The following NR3C2 variants were observed in gnomAD, a reference collection of about 807,000 sequenced individuals.
The protein encoded by NR3C2 is mineralocorticoid receptor.
In NR3C2, 15 loss-of-function variants were observed where a neutral mutation model predicts 86.4. The observed-to-expected ratio is 0.17, with a 90% confidence interval of 0.12 to 0.27. The LOEUF is 0.27. Among genes scored for constraint, NR3C2 ranks in the 10% least tolerant of loss-of-function variants. NR3C2 has a pLI of 1.00. For missense variants in NR3C2, 960 were observed against 1,195.6 expected, an observed-to-expected ratio of 0.80 and a Z score of 2.91; for synonymous variants, 458 against 450.5, an observed-to-expected ratio of 1.02 and a Z score of -0.21.
intron 4 of NR3C2, among the ~76,000 whole-genome samples, chr4:148,186,986 GTGTATGTATGTATATATATATATATA>G (rs199512965): frequency 0.052 from 5,227 of 101,284 alleles, 499 homozygotes; most frequent in Admixed American, 0.13. Flanking sequence ...ATACTGATGT[GTGTATGTATGTATATATATATATATA>G]TATATATATA....
intron 2 of NR3C2, among the ~76,000 whole-genome samples, chr4:148,374,027 A>G (rs1254843293): frequency 6.6e-6 from 1 of 152,152 alleles, no homozygotes; most frequent in Non-Finnish European, 1.5e-5. Context: ...GCCTTTTGAG[A>G]TATGAAATGG....
chr4:148,096,661 C>T (rs1210415913), intron 8 of NR3C2, among the ~76,000 whole-genome samples: 1 of 152,062 alleles, frequency 6.6e-6, no homozygotes, highest in Non-Finnish European at 1.5e-5. Flanking sequence ...AAGTTTTTTC[C>T]ATGTTTGTGT....
At chr4:148,335,707 C>T (rs1341316861) in intron 2 of NR3C2, among the ~76,000 whole-genome samples, 1 of 151,940 alleles carries the variant, frequency 6.6e-6, no homozygotes, top group East Asian at 1.9e-4. Flanking sequence ...ATGTTCTAGT[C>T]AGTTTTCAAT....
chr4:148,197,651 A>T (rs560703330), intron 3 of NR3C2, among the ~76,000 whole-genome samples: 2 of 152,286 alleles, frequency 1.3e-5, no homozygotes, highest in South Asian at 2.1e-4. Context: ...TTAAAAAAAA[A>T]TACCCTTCAA....
In NR3C2 at chr4:148,079,428, G is replaced by A. The variant is rs1730438290; in HGVS notation, c.*1916C>T. ...CCTGCATGGTGAACCCTGGAGAAAA[G>A]TGTTGATCTAATTAATTGCTGCTTC... On this transcript the variant is annotated 3_prime_UTR_variant, in exon 9 of 9. Coordinates refer to ENST00000358102, the MANE Select transcript of NR3C2 (RefSeq NM_000901.5). 6.6e-6 allele frequency: 1 copy of A among 152,438 alleles called. No homozygotes were observed. The highest frequency in any genetic ancestry group is 2.1e-4 in the South Asian group (1 of 4,828). 9.4% of individuals were successfully genotyped at this position (152,438 alleles called of 1,614,324 possible). A position where few individuals can be genotyped will look rare whatever the true frequency, so the allele number is the denominator to read the frequency against.
rs1216017008 is a variant in NR3C2 at position 148,081,377 on chromosome 4, C to A, written c.2922G>T (p.Gly974=). ...ISDQLPKVES[G]NAKPLYFHRK is the part of the protein sequence containing the mutation. ...GGTGGAAGTAGAGCGGCTTGGCGTT[C>A]CCCGACTCCACCTTGGGCAGCTGGT... The change falls in exon 9 of 9, where the codon GGG becomes GGT. Residue 974 remains glycine, a synonymous_variant. Coordinates refer to ENST00000358102, the MANE Select transcript of NR3C2 (RefSeq NM_000901.5). The A allele has an allele frequency of 1.5e-5, 25 of 1,614,144 alleles. No individual in the cohort carries two copies. The highest frequency in any genetic ancestry group is 1.9e-5 in the Non-Finnish European group (22 of 1,180,024).
At chr4:148,112,786 C>T (rs972846477) in intron 8 of NR3C2, among the ~76,000 whole-genome samples, 2 of 152,154 alleles carry the variant, frequency 1.3e-5, no homozygotes, top group African/African-American at 4.8e-5. Flanking sequence ...TTAGTTACCA[C>T]AGAGAGATAA....
At chr4:148,426,352 C>G (rs1036068446) in intron 2 of NR3C2, among the ~76,000 whole-genome samples, 2 of 152,214 alleles carry the variant, frequency 1.3e-5, no homozygotes, top group Non-Finnish European at 2.9e-5. Context: ...AAACCACTAT[C>G]TCCCACTGGA....
At chr4:148,384,218 A>G (rs1747152017) in intron 2 of NR3C2, among the ~76,000 whole-genome samples, 1 of 152,020 alleles carries the variant, frequency 6.6e-6, no homozygotes, top group Non-Finnish European at 1.5e-5. Flanking sequence ...TATTTTCTAT[A>G]CAGTAATAGG....
At chr4:148,391,793 G>T (rs535071741) in intron 2 of NR3C2, among the ~76,000 whole-genome samples, 1 of 151,630 alleles carries the variant, frequency 6.6e-6, no homozygotes, top group African/African-American at 2.4e-5. Context: ...CTTGAACCCG[G>T]GAGGCAGAGG....
chr4:148,155,459 T>C (rs1195996004), intron 4 of NR3C2, among the ~76,000 whole-genome samples: 1 of 152,122 alleles, frequency 6.6e-6, no homozygotes, highest in Non-Finnish European at 1.5e-5. Flanking sequence ...AGCATTCTTA[T>C]ACACCAATAA....
At chr4:148,126,816 C>T (rs943693690) in intron 6 of NR3C2, among the ~76,000 whole-genome samples, 1 of 152,178 alleles carries the variant, frequency 6.6e-6, no homozygotes, top group African/African-American at 2.4e-5. Flanking sequence ...AGCTAAATTT[C>T]TTCTTGCTAA....
chr4:148,182,025 C>T (rs1735670097), intron 4 of NR3C2, among the ~76,000 whole-genome samples: 1 of 152,116 alleles, frequency 6.6e-6, no homozygotes, highest in South Asian at 2.1e-4. Context: ...AAAAAATATT[C>T]TCTAGTATTT....
rs371239011 is a variant in NR3C2, at chr4:148,191,443, C to T, written c.2014+3303G>A. On this transcript the variant is annotated intron_variant, in intron 4 of 8. Coordinates refer to ENST00000358102, the MANE Select transcript of NR3C2 (RefSeq NM_000901.5). ...TTTCCTTTGTCTTAACTTTGGATAA[C>T]CTGATGACAATGTGCCTAGGCAATG... Among the ~76,000 whole-genome samples, 23 of 152,308 alleles carry T rather than the reference C, an allele frequency of 1.5e-4. No homozygotes were observed. The South Asian group carries it at 2.9e-3, about 19-fold the overall frequency.
At chr4:148,393,251 T>C (rs528921632) in intron 2 of NR3C2, among the ~76,000 whole-genome samples, 65 of 152,318 alleles carry the variant, frequency 4.3e-4, no homozygotes, top group Non-Finnish European at 7.5e-4. Flanking sequence ...AGTACAGTCA[T>C]TTTTCAATGA....
intron 2 of NR3C2, among the ~76,000 whole-genome samples, chr4:148,388,490 A>AT (rs1330594494): frequency 6.6e-6 from 1 of 152,046 alleles, no homozygotes; most frequent in Non-Finnish European, 1.5e-5. Flanking sequence ...TGCCTTAGTC[A>AT]CTCTCCTAAG....
chr4:148,244,657 T>G (rs1466971544), intron 3 of NR3C2, among the ~76,000 whole-genome samples: 2 of 152,220 alleles, frequency 1.3e-5, no homozygotes, highest in South Asian at 4.1e-4. Context: ...ACAAATCTGG[T>G]TACTAAAGAC....
At chr4:148,111,503 T>C (rs1732044628) in intron 8 of NR3C2, among the ~76,000 whole-genome samples, 1 of 152,238 alleles carries the variant, frequency 6.6e-6, no homozygotes, top group East Asian at 1.9e-4. Flanking sequence ...AAAGTATATG[T>C]CTGTACAAAG....
At chr4:148,265,693 T>C (rs1045949359) in intron 2 of NR3C2, among the ~76,000 whole-genome samples, 6 of 152,228 alleles carry the variant, frequency 3.9e-5, no homozygotes, top group African/African-American at 1.2e-4. Context: ...GTTTTCTGTT[T>C]TTCCATATGT....
Sources: gnomAD v4.1 joint callset for allele counts (sites outside exome capture counted in the v4.1 genomes callset) on GRCh38, gnomAD v4.1.1 for gene constraint, MANE v1.5 for transcripts, NCBI Gene and HGNC (gene_info 2026-07-23, HGNC 2026-07-21) for gene names.